The following POLR3B variants were observed in gnomAD, a reference collection of about 807,000 sequenced individuals.
The protein encoded by POLR3B is RNA polymerase III subunit B, also known as DNA-directed RNA polymerase III subunit RPC2.
A neutral mutation model predicts 147.4 loss-of-function variants in POLR3B; 96 were observed. The ratio of observed to expected loss-of-function variants is 0.65; its 90% CI spans 0.55 to 0.77. The LOEUF is 0.77. POLR3B is among the 30% of genes least tolerant of loss of function. The probability of loss-of-function intolerance (pLI) is 0.00; values close to 1 mark genes in which losing one functional copy is unlikely to be tolerated. For synonymous variants in POLR3B, 461 were observed against 485.9 expected, an observed-to-expected ratio of 0.95 and a Z score of 0.67; for missense variants, 1,036 against 1,413.5, an observed-to-expected ratio of 0.73 and a Z score of 4.28.
At chr12:106,406,061 T>A in intron 11 of POLR3B, 85 bp downstream of exon 11, 6 of 1,436,274 alleles carry the variant, frequency 4.2e-6, no homozygotes, top group Non-Finnish European at 3.9e-6. Context: ...TTACCTTATT[T>A]AAAGTCCAAT....
In POLR3B at chr12:106,437,724, G is replaced by A. The variant is rs781671613; in HGVS notation, c.1900G>A (p.Asp634Asn). 5.6e-6 allele frequency: 9 copies of A among 1,605,148 alleles called. No individual in the cohort carries two copies. Among genetic ancestry groups the A allele is most frequent in the Non-Finnish European group, 5.1e-6 (6 of 1,172,048 alleles). The change falls in exon 18 of 28, where the codon GAT (aspartate) becomes AAT (asparagine). Residue 634 changes from aspartate (D) to asparagine (N), a missense_variant. Coordinates refer to ENST00000228347, the MANE Select transcript of POLR3B (RefSeq NM_018082.6). ...FLHESLVEYL[D>N]VNEENDCNIA... ...ACATGAGAGTCTGGTTGAATATTTA[G>A]ATGTGAATGAAGAAAATGATTGTAA...
intron 23 of POLR3B, among the ~76,000 whole-genome samples, chr12:106,494,822 T>C (rs2038454807): frequency 6.6e-6 from 1 of 152,222 alleles, no homozygotes; most frequent in Admixed American, 6.5e-5. Context: ...ACTAACTACA[T>C]GCTCTAGAAT....
chr12:106,393,791 CACACACACACACA>C, intron 10 of POLR3B, among the ~76,000 whole-genome samples: 1 of 151,846 alleles, frequency 6.6e-6, no homozygotes, highest in African/African-American at 2.4e-5. Context: ...CACACACACA[CACACACACACACA>C]CCCCATAGTA....
At chr12:106,462,637 G>A (rs2037954775) in intron 22 of POLR3B, among the ~76,000 whole-genome samples, 1 of 152,214 alleles carries the variant, frequency 6.6e-6, no homozygotes, top group Admixed American at 6.5e-5. Context: ...AGTGGTGCCT[G>A]TGGGAAAGGT....
intron 10 of POLR3B, among the ~76,000 whole-genome samples, chr12:106,399,958 T>A (rs1383514628): frequency 1.3e-5 from 2 of 152,212 alleles, no homozygotes; most frequent in Non-Finnish European, 2.9e-5. Context: ...GACATCATAA[T>A]GACAGATCAA....
rs765891224 is a variant in POLR3B, at chr12:106,496,836, A to G, written c.2902A>G (p.Lys968Glu). ...FHYGTAFGGSKVKDVCEDLVR... is the reference protein window; with the variant it reads ...FHYGTAFGGSEVKDVCEDLVR... ...CTACGGCACTGCGTTTGGAGGCAGTAAAGTGAAGGATGTGTGTGAGGACCT... is the reference window on the plus strand; with the variant it reads ...CTACGGCACTGCGTTTGGAGGCAGTGAAGTGAAGGATGTGTGTGAGGACCT... Residue 968 changes from lysine to glutamate, a missense_variant, in exon 25 of 28, where the codon AAA becomes GAA. Coordinates refer to ENST00000228347, the MANE Select transcript of POLR3B (RefSeq NM_018082.6). The G allele has an allele frequency of 2.5e-6, 4 of 1,614,016 alleles. No individual in the cohort carries two copies. Among genetic ancestry groups the G allele is most frequent in the Non-Finnish European group, 3.4e-6 (4 of 1,179,996 alleles).
At chr12:106,479,446 T>C (rs1361175253) in intron 23 of POLR3B, among the ~76,000 whole-genome samples, 3 of 151,846 alleles carry the variant, frequency 2.0e-5, no homozygotes, top group African/African-American at 7.3e-5. Flanking sequence ...AGTGGCGCAA[T>C]CTTGGCTCAC....
At chr12:106,501,286 T>C (rs1312079914) in intron 25 of POLR3B, 37 bp from the exon 26 acceptor site, 2 of 1,343,724 alleles carry the variant, frequency 1.5e-6, no homozygotes, top group South Asian at 2.3e-5. Flanking sequence ...AGCCCAAACT[T>C]AGTTTCTTAA....
intron 27 of POLR3B, among the ~76,000 whole-genome samples, chr12:106,507,206 C>A (rs2038701830): frequency 6.6e-6 from 1 of 152,162 alleles, no homozygotes; most frequent in Non-Finnish European, 1.5e-5. Context: ...ACAGCCTCCC[C>A]TTTTTGCTAC....
chr12:106,490,007 TA>T (rs765593205), intron 23 of POLR3B, among the ~76,000 whole-genome samples: 6 of 152,220 alleles, frequency 3.9e-5, no homozygotes, highest in Non-Finnish European at 8.8e-5. Flanking sequence ...GCTCTTACTT[TA>T]ATGTTATTAA....
chr12:106,501,743 G>T lies in POLR3B; in HGVS notation c.3098+307G>T, dbSNP rs117282606. On this transcript the variant is annotated intron_variant, in intron 26 of 27. Coordinates refer to ENST00000228347, the MANE Select transcript of POLR3B (RefSeq NM_018082.6). ...TTTATAAAGGTCCATACAAGAAGAT[G>T]TGTATGTATATAGCCACACACACAT... 5.3e-3 allele frequency among the ~76,000 whole-genome samples: 808 copies of T among 152,352 alleles called. 20 individuals are homozygous for T. The East Asian group carries it at 0.08, about 15-fold the overall frequency.
intron 12 of POLR3B, among the ~76,000 whole-genome samples, chr12:106,426,288 G>C (rs1006836640): frequency 2.0e-5 from 3 of 147,768 alleles, no homozygotes; most frequent in Admixed American, 6.8e-5. Flanking sequence ...GTCTCACTCT[G>C]TCGCTCAGGC....
At chr12:106,485,003 T>A (rs1292634674) in intron 23 of POLR3B, among the ~76,000 whole-genome samples, 1 of 152,206 alleles carries the variant, frequency 6.6e-6, no homozygotes, top group African/African-American at 2.4e-5. Context: ...TGGACTTTAC[T>A]CCAGATATGC....
chr12:106,432,132 G>A (rs2037518960), intron 14 of POLR3B, among the ~76,000 whole-genome samples, 186 bp from the exon 15 acceptor site: 1 of 152,132 alleles, frequency 6.6e-6, no homozygotes, highest in Non-Finnish European at 1.5e-5. Flanking sequence ...GTTATGAAGA[G>A]AAATTCCCCT....
At chr12:106,494,985 A>G (rs762430477) in intron 23 of POLR3B, among the ~76,000 whole-genome samples, 1 of 152,224 alleles carries the variant, frequency 6.6e-6, no homozygotes, top group Non-Finnish European at 1.5e-5. Flanking sequence ...GAATAATTAC[A>G]TAGAATCAAA....
chr12:106,386,747 A>G (rs1049192066), intron 9 of POLR3B, among the ~76,000 whole-genome samples: 3 of 152,000 alleles, frequency 2.0e-5, no homozygotes, highest in South Asian at 4.2e-4. Flanking sequence ...CTTTACTAAA[A>G]ATACAAAAAA....
intron 23 of POLR3B, among the ~76,000 whole-genome samples, chr12:106,478,614 A>T (rs759697313): frequency 6.6e-6 from 1 of 152,108 alleles, no homozygotes; most frequent in Non-Finnish European, 1.5e-5. Flanking sequence ...TATGTTAAAG[A>T]TTGGGGAAAA....
intron 20 of POLR3B, among the ~76,000 whole-genome samples, chr12:106,456,784 A>C (rs1483619626): frequency 6.6e-6 from 1 of 152,100 alleles, no homozygotes; most frequent in Non-Finnish European, 1.5e-5. Context: ...GGTGATTTCT[A>C]AGGGCCTTTC....
At chr12:106,451,046 G>T (rs1425738825) in intron 19 of POLR3B, among the ~76,000 whole-genome samples, 7 of 152,004 alleles carry the variant, frequency 4.6e-5, no homozygotes, top group African/African-American at 1.7e-4. Context: ...TAAATCTCAG[G>T]ATCATTATGC....
Sources: allele counts gnomAD v4.1 joint callset (sites outside exome capture counted in the v4.1 genomes callset), GRCh38; gene constraint gnomAD v4.1.1; transcripts MANE v1.5; gene names NCBI Gene and HGNC (gene_info 2026-07-23, HGNC 2026-07-21).